AGBL4: variants seen among roughly 807,000 people sequenced by gnomAD.
AGBL4 encodes the protein cytosolic carboxypeptidase 6.
A neutral mutation model predicts 66.4 loss-of-function variants in AGBL4; 58 were observed. The observed-to-expected ratio is 0.87, with a 90% CI of 0.71 to 1.09. The LOEUF (loss-of-function observed/expected upper bound fraction) is 1.09, where lower values mean the gene tolerates loss of function less well. AGBL4 is among the 50% of genes least tolerant of loss of function. AGBL4 has a pLI of 0.00. For missense variants in AGBL4, 579 were observed against 631.0 expected, an observed-to-expected ratio of 0.92 and a Z score of 0.88; for synonymous variants, 234 against 222.9, an observed-to-expected ratio of 1.05 and a Z score of -0.44.
intron 4 of AGBL4, among the ~76,000 whole-genome samples, chr1:49,138,126 G>A (rs1459744092): frequency 2.6e-5 from 4 of 152,136 alleles, no homozygotes; most frequent in Non-Finnish European, 4.4e-5. Context: ...ATGGGAGGAA[G>A]AAACTTGTAC....
chr1:49,354,375 A>G (rs887601909), intron 3 of AGBL4, among the ~76,000 whole-genome samples: 2 of 152,128 alleles, frequency 1.3e-5, no homozygotes, highest in African/African-American at 4.8e-5. Context: ...AGGTTTTCTC[A>G]TTTGGCTTCA....
At chr1:48,940,814 T>C (rs1479164903) in intron 5 of AGBL4, among the ~76,000 whole-genome samples, 1 of 152,236 alleles carries the variant, frequency 6.6e-6, no homozygotes, top group Admixed American at 6.5e-5. Flanking sequence ...ATTCCAACCC[T>C]GAGATTCAAT....
At chr1:48,904,236 G>A (rs577554637) in intron 5 of AGBL4, among the ~76,000 whole-genome samples, 12 of 152,266 alleles carry the variant, frequency 7.9e-5, no homozygotes, top group African/African-American at 2.2e-4. Context: ...CCAAGATCAC[G>A]CCATTGCACT....
At chr1:49,714,380 A>G (rs1252974161) in intron 2 of AGBL4, among the ~76,000 whole-genome samples, 2 of 151,824 alleles carry the variant, frequency 1.3e-5, no homozygotes, top group African/African-American at 2.4e-5. Context: ...TAATTCTCCA[A>G]TATCTATTAT....
At chr1:48,685,637 G>T (rs1646519782) in intron 6 of AGBL4, among the ~76,000 whole-genome samples, 1 of 152,160 alleles carries the variant, frequency 6.6e-6, no homozygotes, top group Non-Finnish European at 1.5e-5. Context: ...ACATAGAAAT[G>T]CTACCTTGAA....
chr1:49,189,226 C>T (rs923101338), intron 4 of AGBL4, among the ~76,000 whole-genome samples: 1 of 152,158 alleles, frequency 6.6e-6, no homozygotes, highest in Non-Finnish European at 1.5e-5. Flanking sequence ...TCCTCCTTCT[C>T]ATAATGTCCT....
chr1:49,679,178 C>T (rs1334392399), intron 3 of AGBL4, among the ~76,000 whole-genome samples: 1 of 152,036 alleles, frequency 6.6e-6, no homozygotes. Context: ...TTTCCTCAAT[C>T]AGTTTTATTA....
At chr1:49,415,060 TA>T (rs1645397546) in intron 3 of AGBL4, among the ~76,000 whole-genome samples, 1 of 152,108 alleles carries the variant, frequency 6.6e-6, no homozygotes, top group Non-Finnish European at 1.5e-5. Flanking sequence ...TGTAGAAAGT[TA>T]ATAGCAGATC....
intron 3 of AGBL4, among the ~76,000 whole-genome samples, chr1:49,297,006 T>G (rs1451392454): frequency 6.6e-6 from 1 of 152,212 alleles, no homozygotes; most frequent in African/African-American, 2.4e-5. Context: ...GTCAGCATTT[T>G]TAATGGTTCC....
At chr1:49,235,031 G>A (rs895826412) in intron 4 of AGBL4, among the ~76,000 whole-genome samples, 7 of 152,124 alleles carry the variant, frequency 4.6e-5, no homozygotes, top group South Asian at 2.1e-4. Context: ...TATTATGTAG[G>A]CTGTTTCATA....
At chr1:49,668,651 C>T (rs911291407) in intron 3 of AGBL4, among the ~76,000 whole-genome samples, 3 of 152,178 alleles carry the variant, frequency 2.0e-5, no homozygotes, top group South Asian at 2.1e-4. Flanking sequence ...TTTACTGTAA[C>T]GAAGGAAAGA....
chr1:49,748,256 G>T (rs1651156349), intron 2 of AGBL4, among the ~76,000 whole-genome samples: 1 of 152,084 alleles, frequency 6.6e-6, no homozygotes, highest in Non-Finnish European at 1.5e-5. Flanking sequence ...GTGAGAACAT[G>T]TGGTGTTTGG....
chr1:49,599,518 AG>A (rs1408804579), intron 3 of AGBL4, among the ~76,000 whole-genome samples: 1 of 151,700 alleles, frequency 6.6e-6, no homozygotes, highest in African/African-American at 2.4e-5. Context: ...CTTCTTTATT[AG>A]TATGGTGAGC....
intron 5 of AGBL4, among the ~76,000 whole-genome samples, chr1:49,011,626 C>T (rs1662422275): frequency 6.6e-6 from 1 of 152,068 alleles, no homozygotes; most frequent in South Asian, 2.1e-4. Flanking sequence ...GACTTGGAAC[C>T]AACCCAAATG....
At chr1:48,808,461 G>A (rs1392630190) in intron 6 of AGBL4, among the ~76,000 whole-genome samples, 1 of 152,144 alleles carries the variant, frequency 6.6e-6, no homozygotes, top group Non-Finnish European at 1.5e-5. Flanking sequence ...TAACTTCCAG[G>A]GCCCTGGTAA....
chr1:49,015,780 A>G (rs1405725641), intron 5 of AGBL4, among the ~76,000 whole-genome samples: 3 of 152,022 alleles, frequency 2.0e-5, no homozygotes, highest in South Asian at 2.1e-4. Context: ...ATTAGCATGT[A>G]CCACTTACAT....
chr1:49,344,249 C>T (rs1489837496), intron 3 of AGBL4, among the ~76,000 whole-genome samples: 2 of 151,610 alleles, frequency 1.3e-5, no homozygotes, highest in Non-Finnish European at 2.9e-5. Context: ...GAGTGTGGCA[C>T]ATGTATACAT....
At chr1:48,956,846 G>A (rs1353228402) in intron 5 of AGBL4, among the ~76,000 whole-genome samples, 1 of 152,050 alleles carries the variant, frequency 6.6e-6, no homozygotes, top group Non-Finnish European at 1.5e-5. Flanking sequence ...ATTCCCAAAA[G>A]GCCAATGGCA....
intron 6 of AGBL4, among the ~76,000 whole-genome samples, chr1:48,798,407 T>G (rs1057299270): frequency 3.3e-5 from 5 of 152,206 alleles, no homozygotes; most frequent in Non-Finnish European, 5.9e-5. Flanking sequence ...TTTGTGAAGA[T>G]TTTCTCCCAC....
Sources: gnomAD v4.1 joint callset for allele counts (sites outside exome capture counted in the v4.1 genomes callset) on GRCh38, gnomAD v4.1.1 for gene constraint, MANE v1.5 for transcripts, NCBI Gene and HGNC (gene_info 2026-07-23, HGNC 2026-07-21) for gene names.